POFUT3: variants seen among roughly 807,000 people sequenced by gnomAD.
POFUT3 encodes GDP-fucose protein O-fucosyltransferase 3.
the POFUT3 span, among the ~76,000 whole-genome samples, chr8:33,392,934 T>A: frequency 6.6e-6 from 1 of 151,938 alleles, no homozygotes; most frequent in Non-Finnish European, 1.5e-5. Context: ...TGACCCAAGA[T>A]TGCACCACTG....
the POFUT3 span, among the ~76,000 whole-genome samples, chr8:33,465,389 C>A: frequency 6.9e-6 from 1 of 145,480 alleles, no homozygotes; most frequent in Non-Finnish European, 1.5e-5. Flanking sequence ...TGCCCAAGAT[C>A]ATATATATAT....
chr8:33,309,183 T>TATATGGGG, the POFUT3 span, among the ~76,000 whole-genome samples: 1 of 108,242 alleles, frequency 9.2e-6, no homozygotes, highest in African/African-American at 4.4e-5. Context: ...TATATATATA[T>TATATGGGG]ATATATATAT....
chr8:33,340,418 T>C, the POFUT3 span, among the ~76,000 whole-genome samples: 1 of 151,822 alleles, frequency 6.6e-6, no homozygotes, highest in Non-Finnish European at 1.5e-5. Context: ...GTGTGAATTA[T>C]TAAATTATCA....
the POFUT3 span, chr8:33,461,266 CCT>C: frequency 1.6e-6 from 2 of 1,245,886 alleles, no homozygotes; most frequent in Non-Finnish European, 1.1e-6. Context: ...CCTGAACACC[CCT>C]GATTCAGCAA....
At chr8:33,461,710 A>C in the POFUT3 span, 2 of 1,388,986 alleles carry the variant, frequency 1.4e-6, no homozygotes. Flanking sequence ...CCAAATAAGA[A>C]GGAATCAAAA....
At chr8:33,410,616 T>C in the POFUT3 span, among the ~76,000 whole-genome samples, 1 of 152,178 alleles carries the variant, frequency 6.6e-6, no homozygotes, top group Non-Finnish European at 1.5e-5. Context: ...CATAGGCCTT[T>C]GGGTGTGTGC....
the POFUT3 span, among the ~76,000 whole-genome samples, chr8:33,446,121 G>T: frequency 5.9e-5 from 9 of 152,124 alleles, no homozygotes; most frequent in African/African-American, 2.2e-4. Flanking sequence ...GACCATGGCA[G>T]CCTTCCAGTG....
At chr8:33,335,724 A>G in the POFUT3 span, among the ~76,000 whole-genome samples, 2 of 152,246 alleles carry the variant, frequency 1.3e-5, no homozygotes, top group African/African-American at 4.8e-5. Context: ...TTTGTATGTT[A>G]CATGTATTAT....
At chr8:33,328,450 T>C in the POFUT3 span, among the ~76,000 whole-genome samples, 7 of 150,928 alleles carry the variant, frequency 4.6e-5, no homozygotes, top group Non-Finnish European at 1.0e-4. Flanking sequence ...GGAAAACAGG[T>C]GGAAAACAGA....
the POFUT3 span, among the ~76,000 whole-genome samples, chr8:33,310,265 A>G: frequency 8.5e-6 from 1 of 118,326 alleles, no homozygotes; most frequent in South Asian, 3.4e-4. Flanking sequence ...TACCAAAAAA[A>G]AGAAGTTTTT....
At chr8:33,461,241 G>A in the POFUT3 span, 14 of 826,068 alleles carry the variant, frequency 1.7e-5, no homozygotes, top group Non-Finnish European at 2.4e-5. Context: ...GAGGAAGGAA[G>A]GAACCAACCC....
the POFUT3 span, among the ~76,000 whole-genome samples, chr8:33,318,158 A>G: frequency 6.6e-6 from 1 of 151,998 alleles, no homozygotes; most frequent in African/African-American, 2.4e-5. Context: ...CTGAGTCCAC[A>G]TGTAAGAATT....
the POFUT3 span, among the ~76,000 whole-genome samples, chr8:33,397,696 T>G: frequency 6.6e-6 from 1 of 152,180 alleles, no homozygotes; most frequent in East Asian, 1.9e-4. Context: ...TCTTAGTTAT[T>G]AAAGACCACA....
the POFUT3 span, among the ~76,000 whole-genome samples, chr8:33,333,373 G>A: frequency 2.0e-5 from 3 of 152,186 alleles, no homozygotes; most frequent in Admixed American, 6.5e-5. Context: ...TAGGACCTTT[G>A]GATGAAAAGA....
chr8:33,451,996 G>C, the POFUT3 span: 1 of 151,936 alleles, frequency 6.6e-6, no homozygotes, highest in Non-Finnish European at 1.5e-5. Context: ...CGGGATTATG[G>C]GGATTACAAT....
At chr8:33,362,502 T>C in the POFUT3 span, among the ~76,000 whole-genome samples, 1 of 152,000 alleles carries the variant, frequency 6.6e-6, no homozygotes, top group Non-Finnish European at 1.5e-5. Context: ...GACCCATCAG[T>C]GTGCTGTATT....
the POFUT3 span, among the ~76,000 whole-genome samples, chr8:33,409,124 C>A: frequency 1.3e-5 from 2 of 152,068 alleles, no homozygotes; most frequent in Non-Finnish European, 2.9e-5. Context: ...ATTTTTGAGA[C>A]AGAGTTTTGC....
chr8:33,419,065 G>A, the POFUT3 span, among the ~76,000 whole-genome samples: 1 of 152,154 alleles, frequency 6.6e-6, no homozygotes, highest in Non-Finnish European at 1.5e-5. Context: ...AGCTACCAGA[G>A]GCTGGGAAGG....
the POFUT3 span, among the ~76,000 whole-genome samples, chr8:33,359,207 C>T: frequency 6.6e-6 from 1 of 152,106 alleles, no homozygotes; most frequent in East Asian, 1.9e-4. Context: ...AACTGAAGAA[C>T]ATTCAAGTGT....
Sources: gnomAD v4.1 joint callset for allele counts (sites outside exome capture counted in the v4.1 genomes callset) on GRCh38, gnomAD v4.1.1 for gene constraint, MANE v1.5 for transcripts, NCBI Gene and HGNC (gene_info 2026-07-23, HGNC 2026-07-21) for gene names.